ZFX: variants seen among roughly 807,000 people sequenced by gnomAD.
ZFX encodes the protein zinc finger protein X-linked.
For synonymous variants in ZFX, 196 were observed against 226.8 expected, an observed-to-expected ratio of 0.86 and a Z score of 1.22; for missense variants, 362 against 628.3, an observed-to-expected ratio of 0.58 and a Z score of 4.53.
chrX:24,187,074 C>G (rs1411496963), intron 5 of ZFX, among the ~76,000 whole-genome samples: 1 of 111,461 alleles, frequency 9.0e-6, no homozygotes, highest in Non-Finnish European at 1.9e-5. Context: ...ATCTATGTGC[C>G]GGAATTGAAA....
At chrX:24,158,352 CAAACA>C (rs1316891187) in intron 3 of ZFX, among the ~76,000 whole-genome samples, 2 of 110,809 alleles carry the variant, frequency 1.8e-5, no homozygotes, top group African/African-American at 6.6e-5. Flanking sequence ...AACAAACAAA[CAAACA>C]AAACAAACCA....
intron 5 of ZFX, among the ~76,000 whole-genome samples, chrX:24,205,768 C>T (rs555862256): frequency 3.6e-5 from 4 of 111,016 alleles, no homozygotes; most frequent in East Asian, 2.8e-4. Flanking sequence ...GCAGGAGAGT[C>T]GCTTGAACCC....
chrX:24,203,659 C>T (rs1052388103), intron 5 of ZFX, among the ~76,000 whole-genome samples: 4 of 112,356 alleles, frequency 3.6e-5, no homozygotes, highest in Non-Finnish European at 5.6e-5. Flanking sequence ...GCTTAGCAGT[C>T]GGCTGCATTT....
chrX:24,149,065 G>C (rs1931635895), upstream of ZFX: 1 of 105,081 alleles, frequency 9.5e-6, no homozygotes, highest in Non-Finnish European at 1.9e-5. Flanking sequence ...CATTTAGACT[G>C]GCAAGCCCGT....
At chrX:24,179,150 C>T in intron 4 of ZFX, 33 bp from the exon 5 acceptor site, 2 of 1,156,042 alleles carry the variant, frequency 1.7e-6, no homozygotes, top group Non-Finnish European at 2.3e-6. Context: ...TGCATACTTA[C>T]CTGAAATTTG....
At chrX:24,171,972 C>T (rs1031869680) in intron 3 of ZFX, among the ~76,000 whole-genome samples, 2 of 110,013 alleles carry the variant, frequency 1.8e-5, no homozygotes, top group African/African-American at 6.6e-5. Flanking sequence ...CTGATTCTTG[C>T]TCATGGTTTT....
At chrX:24,170,422 G>C in intron 3 of ZFX, among the ~76,000 whole-genome samples, 1 of 109,549 alleles carries the variant, frequency 9.1e-6, no homozygotes, top group East Asian at 2.9e-4. Flanking sequence ...CTCCCAAAGT[G>C]CTGGGATTAC....
At chrX:24,206,622 A>G (rs1937604241) in intron 5 of ZFX, among the ~76,000 whole-genome samples, 3 of 105,238 alleles carry the variant, frequency 2.9e-5, no homozygotes, top group Admixed American at 2.1e-4. Flanking sequence ...CCTGGTCTCA[A>G]GTGATCCACC....
chrX:24,176,627 T>G (rs1935170625), intron 4 of ZFX, among the ~76,000 whole-genome samples: 1 of 109,466 alleles, frequency 9.1e-6, no homozygotes, highest in African/African-American at 3.3e-5. Context: ...AGACGGGGTT[T>G]CACAATGTTG....
intron 3 of ZFX, chrX:24,161,636 A>G (rs1261490623): frequency 9.1e-6 from 1 of 110,126 alleles, no homozygotes; most frequent in African/African-American, 3.3e-5. Flanking sequence ...TGTAGAGGTT[A>G]ATTAAGGGAG....
Position 24,179,660 on chromosome X carries a change from A to T in ZFX, c.536A>T (p.Glu179Val). The change falls in exon 5 of 10, where the codon GAA becomes GTA. Residue 179 changes from glutamate to valine, a missense_variant. Coordinates refer to ENST00000304543, the MANE Select transcript of ZFX (RefSeq NM_003410.4). ...CTGACTACCGACGTAGTTTCAGAAG[A>T]AGTATTGGTAGCAGACTGTGCCTCT... ...DPLTTDVVSE[E>V]VLVADCASEA... is the part of the protein sequence containing the mutation. The T allele has an allele frequency of 8.3e-7, 1 of 1,211,868 alleles. No homozygotes were observed. The highest frequency in any genetic ancestry group is 1.1e-6 in the Non-Finnish European group (1 of 895,590).
intron 5 of ZFX, among the ~76,000 whole-genome samples, chrX:24,197,038 C>T (rs747452578): frequency 8.9e-6 from 1 of 112,775 alleles, no homozygotes; most frequent in East Asian, 2.8e-4. Flanking sequence ...ACAGTTCCTG[C>T]GTTGCACCAG....
At chrX:24,201,561 T>G (rs1459524838) in intron 5 of ZFX, among the ~76,000 whole-genome samples, 1 of 112,406 alleles carries the variant, frequency 8.9e-6, no homozygotes, top group Non-Finnish European at 1.9e-5. Flanking sequence ...GAGGCCAGCT[T>G]TATCAACAAC....
intron 3 of ZFX, among the ~76,000 whole-genome samples, chrX:24,156,694 G>A (rs1480137924): frequency 8.0e-5 from 6 of 74,974 alleles, no homozygotes; most frequent in South Asian, 9.6e-4. Context: ...TTGCTCTGTC[G>A]CCCAGGCTGG....
rs1938411031 is a variant in ZFX at position 24,215,590 on chromosome X, G to A, written c.*4214G>A. The A allele has an allele frequency of 8.9e-6, 1 of 111,816 alleles. No homozygotes were observed. The highest frequency in any genetic ancestry group is 9.5e-5 in the Admixed American group (1 of 10,503). 9.2% of individuals were successfully genotyped at this position (111,816 alleles called of 1,213,427 possible). On this transcript the variant is annotated 3_prime_UTR_variant, in exon 10 of 10. Coordinates refer to ENST00000304543, the MANE Select transcript of ZFX (RefSeq NM_003410.4). ...AAAGATGACTGGTTCAGCATTTTGT[G>A]TGGTAGATAAGAAAGAAATTATCAC...
chrX:24,170,146 A>G (rs1216227716), intron 3 of ZFX, among the ~76,000 whole-genome samples: 2 of 95,771 alleles, frequency 2.1e-5, no homozygotes, highest in Non-Finnish European at 4.1e-5. Flanking sequence ...AGTGTTTCAT[A>G]ATGCTTAGAA....
chrX:24,193,247 A>T (rs895454635), intron 5 of ZFX, among the ~76,000 whole-genome samples: 1 of 112,621 alleles, frequency 8.9e-6, no homozygotes, highest in African/African-American at 3.2e-5. Flanking sequence ...ATGGGATATC[A>T]TTCAGTCATA....
At chrX:24,202,261 C>T (rs937022098) in intron 5 of ZFX, among the ~76,000 whole-genome samples, 5 of 111,854 alleles carry the variant, frequency 4.5e-5, no homozygotes, top group African/African-American at 9.8e-5. Context: ...CTTTCTATTC[C>T]GTTTTCTCCC....
intron 3 of ZFX, among the ~76,000 whole-genome samples, chrX:24,160,804 A>T (rs1450352552): frequency 8.9e-6 from 1 of 111,811 alleles, no homozygotes; most frequent in Non-Finnish European, 1.9e-5. Context: ...AGAACACTAG[A>T]ACTTATTCCC....
Sources: gnomAD v4.1 joint callset for allele counts (sites outside exome capture counted in the v4.1 genomes callset) on GRCh38, gnomAD v4.1.1 for gene constraint, MANE v1.5 for transcripts, NCBI Gene and HGNC (gene_info 2026-07-23, HGNC 2026-07-21) for gene names.